Variants in PLEKHA7 observed in about 807,000 individuals in gnomAD.
PLEKHA7 encodes the protein pleckstrin homology domain containing A7, also known as pleckstrin homology domain-containing family A member 7.
Under a neutral mutation model 170.0 loss-of-function variants are expected in PLEKHA7, and 104 were observed. The observed-to-expected ratio is 0.61, with a 90% CI of 0.52 to 0.72. PLEKHA7 has a LOEUF of 0.72. PLEKHA7 is among the 30% of genes least tolerant of loss of function. The pLI, the probability that PLEKHA7 is intolerant of heterozygous loss-of-function variation, is 0.00. For missense variants in PLEKHA7, 1,615 were observed against 1,671.7 expected, an observed-to-expected ratio of 0.97 and a Z score of 0.59; for synonymous variants, 648 against 660.8, an observed-to-expected ratio of 0.98 and a Z score of 0.30.
chr11:16,794,447 G>A, intron 19 of PLEKHA7, 41 bp downstream of exon 19: 1 of 1,562,710 alleles, frequency 6.4e-7, no homozygotes, highest in Non-Finnish European at 8.8e-7. Flanking sequence ...TGAGGACAGA[G>A]AGGAAACAAT....
intron 3 of PLEKHA7, among the ~76,000 whole-genome samples, chr11:16,877,755 C>T (rs774133077): frequency 2.6e-5 from 4 of 152,176 alleles, no homozygotes; most frequent in African/African-American, 9.7e-5. Flanking sequence ...AACAAGTCAG[C>T]CCAGAGCCCT....
In PLEKHA7 at chr11:16,786,330, T is replaced by C. The variant is rs1405162604; in HGVS notation, c.3415A>G (p.Lys1139Glu). The C allele has an allele frequency of 6.5e-7, 1 of 1,536,170 alleles. No homozygotes were observed. The highest frequency in any genetic ancestry group is 8.7e-7 in the Non-Finnish European group (1 of 1,146,918). ...CAGCCATTCTCCTCCTTGTCCTTTTTTTCCCCTTGCACGACCCGTTCCAGC... is the reference window on the plus strand; with the variant it reads ...CAGCCATTCTCCTCCTTGTCCTTTTCTTCCCCTTGCACGACCCGTTCCAGC... ...QLLERVVQGE[K>E]KDKEENGWLK... Residue 1139 changes from lysine (K) to glutamate (E), a missense_variant, in exon 24 of 27, where the codon AAA becomes GAA. By Grantham distance (56) the Lys-to-Glu change is moderately conservative. Coordinates refer to ENST00000531066, the MANE Select transcript of PLEKHA7 (RefSeq NM_001329630.2).
At chr11:16,796,645 A>G (rs775083870) in intron 17 of PLEKHA7, among the ~76,000 whole-genome samples, 47 of 152,086 alleles carry the variant, frequency 3.1e-4, no homozygotes, top group Admixed American at 5.9e-4. Context: ...TATACTTTAG[A>G]AGGGTGAATT....
intron 3 of PLEKHA7, among the ~76,000 whole-genome samples, chr11:17,000,078 A>G (rs779510805): frequency 3.3e-5 from 5 of 151,820 alleles, no homozygotes; most frequent in Non-Finnish European, 7.4e-5. Flanking sequence ...AGTACAAGAA[A>G]CCTGTCTTTG....
intron 3 of PLEKHA7, among the ~76,000 whole-genome samples, chr11:16,943,373 C>CT (rs1860816160): frequency 1.3e-5 from 2 of 152,042 alleles, no homozygotes; most frequent in Non-Finnish European, 2.9e-5. Flanking sequence ...TGGTCAGTGG[C>CT]TACCTTTCTG....
At chr11:16,968,106 A>G (rs1211180880) in intron 3 of PLEKHA7, among the ~76,000 whole-genome samples, 1 of 152,128 alleles carries the variant, frequency 6.6e-6, no homozygotes, top group Non-Finnish European at 1.5e-5. Flanking sequence ...GAGGGAATAG[A>G]CTGCTAATGG....
At chr11:16,839,921 C>T (rs528371206) in intron 9 of PLEKHA7, among the ~76,000 whole-genome samples, 24 of 152,198 alleles carry the variant, frequency 1.6e-4, no homozygotes, top group African/African-American at 5.5e-4. Context: ...AGACTGTGCA[C>T]TAGACTGTGT....
chr11:16,935,189 C>CT (rs1860202124), intron 3 of PLEKHA7, among the ~76,000 whole-genome samples: 1 of 152,094 alleles, frequency 6.6e-6, no homozygotes, highest in Non-Finnish European at 1.5e-5. Context: ...AATCCCAGCA[C>CT]TTTGGGAGGA....
chr11:16,946,792 C>A (rs1861056735), intron 3 of PLEKHA7, among the ~76,000 whole-genome samples: 1 of 152,122 alleles, frequency 6.6e-6, no homozygotes, highest in Non-Finnish European at 1.5e-5. Flanking sequence ...TCCAGCAACA[C>A]CCCCTCCCCC....
chr11:17,013,915 G>A (rs1865484593), intron 3 of PLEKHA7, 74 bp downstream of exon 3: 2 of 1,454,580 alleles, frequency 1.4e-6, no homozygotes, highest in African/African-American at 1.6e-5. Context: ...AGGAAGGGCG[G>A]GGCGCCCGGC....
chr11:16,781,061 G>A lies in PLEKHA7; in HGVS notation c.3793+1693C>T, dbSNP rs536703906. On this transcript the variant is annotated intron_variant, in intron 26 of 26. Coordinates refer to ENST00000531066, the MANE Select transcript of PLEKHA7 (RefSeq NM_001329630.2). ...GAGGGCCAGCTGCTGTGCTAGATGG[G>A]GCACACAGGAATTAAGCGGTGTGTT... 133 of 974,874 alleles carry A rather than the reference G, an allele frequency of 1.4e-4. 1 individual carries two copies. The South Asian group carries it at 2.2e-3, about 16-fold the overall frequency. 60.4% of individuals were successfully genotyped at this position (974,874 alleles called of 1,614,324 possible). A position where few individuals can be genotyped will look rare whatever the true frequency, so the allele number is the denominator to read the frequency against.
chr11:16,850,248 T>C (rs147654720), intron 8 of PLEKHA7, among the ~76,000 whole-genome samples: 6 of 152,274 alleles, frequency 3.9e-5, no homozygotes, highest in African/African-American at 1.4e-4. Flanking sequence ...GCCTCCAACA[T>C]GGAAACGGCC....
chr11:16,780,785 C>T (rs1284483287), intron 26 of PLEKHA7, among the ~76,000 whole-genome samples: 2 of 152,188 alleles, frequency 1.3e-5, no homozygotes, highest in Non-Finnish European at 2.9e-5. Context: ...TCCCACCTGC[C>T]TACCAGTCAG....
chr11:16,881,859 C>T (rs1855740263), intron 3 of PLEKHA7, among the ~76,000 whole-genome samples: 1 of 152,170 alleles, frequency 6.6e-6, no homozygotes. Flanking sequence ...CCCACTCCCC[C>T]TGGTAACAAT....
At chr11:16,851,320 C>A in intron 7 of PLEKHA7, 29 bp from the exon 8 acceptor site, 1 of 1,564,108 alleles carries the variant, frequency 6.4e-7, no homozygotes, top group Non-Finnish European at 8.8e-7. Flanking sequence ...ATCAGAACAA[C>A]CTTCTGGGCA....
chr11:16,917,588 A>C (rs954348652), intron 3 of PLEKHA7, among the ~76,000 whole-genome samples: 2 of 151,996 alleles, frequency 1.3e-5, no homozygotes, highest in East Asian at 1.9e-4. Flanking sequence ...TACCCTCCTC[A>C]TATTTCCTTC....
At chr11:16,819,558 C>T (rs1042518585) in intron 10 of PLEKHA7, among the ~76,000 whole-genome samples, 3 of 152,234 alleles carry the variant, frequency 2.0e-5, no homozygotes, top group African/African-American at 7.2e-5. Context: ...TCAATTTTAT[C>T]TAACATTTAT....
intron 3 of PLEKHA7, among the ~76,000 whole-genome samples, chr11:16,919,146 G>C (rs1381711295): frequency 6.6e-6 from 1 of 152,146 alleles, no homozygotes; most frequent in Non-Finnish European, 1.5e-5. Flanking sequence ...CCTGGGAGGC[G>C]GAGGTTGCAG....
At chr11:16,858,455 T>C (rs1217291939) in intron 4 of PLEKHA7, among the ~76,000 whole-genome samples, 2 of 152,274 alleles carry the variant, frequency 1.3e-5, no homozygotes, top group East Asian at 3.9e-4. Context: ...GACAAATAGC[T>C]ACTTTTGCCA....
Sources: gnomAD v4.1 joint callset for allele counts (sites outside exome capture counted in the v4.1 genomes callset) on GRCh38, gnomAD v4.1.1 for gene constraint, MANE v1.5 for transcripts, NCBI Gene and HGNC (gene_info 2026-07-23, HGNC 2026-07-21) for gene names.